ARMC8: variants seen among roughly 807,000 people sequenced by gnomAD.
ARMC8 encodes armadillo repeat containing 8.
Under a neutral mutation model 99.3 loss-of-function variants are expected in ARMC8, and 20 were observed. The observed-to-expected ratio is 0.20, with a 90% CI of 0.14 to 0.29. The LOEUF (loss-of-function observed/expected upper bound fraction) is 0.29. ARMC8 is among the 10% of genes least tolerant of loss of function. The pLI is 1.00. For synonymous variants in ARMC8, 263 were observed against 278.3 expected (o/e 0.95, Z 0.55); for missense variants, 569 against 809.5 (o/e 0.70, Z 3.60).
intron 2 of ARMC8, among the ~76,000 whole-genome samples, chr3:138,217,072 A>C (rs1416171764): frequency 2.0e-5 from 3 of 152,198 alleles, no homozygotes; most frequent in African/African-American, 7.2e-5. Context: ...ACAAGCAATA[A>C]ACTATACCAT....
At chr3:138,197,962 C>T (rs900090318) in intron 1 of ARMC8, among the ~76,000 whole-genome samples, 1 of 152,184 alleles carries the variant, frequency 6.6e-6, no homozygotes, top group African/African-American at 2.4e-5. Context: ...TACTTTCAGT[C>T]TTGTGACCAC....
chr3:138,271,928 T>C (rs1037131005), intron 16 of ARMC8, among the ~76,000 whole-genome samples: 9 of 152,178 alleles, frequency 5.9e-5, no homozygotes, highest in African/African-American at 1.7e-4. Context: ...CCTGAGTAGC[T>C]GGGATTACAG....
intron 1 of ARMC8, among the ~76,000 whole-genome samples, chr3:138,189,316 G>C (rs2043246008): frequency 6.6e-6 from 1 of 151,430 alleles, no homozygotes; most frequent in Non-Finnish European, 1.5e-5. Flanking sequence ...GATTTCCGTA[G>C]TCCCAAAGTC....
intron 16 of ARMC8, among the ~76,000 whole-genome samples, chr3:138,270,956 T>C (rs1163923035): frequency 6.6e-6 from 1 of 152,214 alleles, no homozygotes; most frequent in Non-Finnish European, 1.5e-5. Flanking sequence ...CCCTCATTCT[T>C]ATTTTAAGAT....
chr3:138,265,913 G>T (rs1287721782), intron 14 of ARMC8, among the ~76,000 whole-genome samples: 1 of 152,168 alleles, frequency 6.6e-6, no homozygotes, highest in East Asian at 1.9e-4. Context: ...GCTTAGGAAA[G>T]ACCATATGAA....
At chr3:138,228,697 A>T (rs532324554) in intron 5 of ARMC8, 4 of 528,152 alleles carry the variant, frequency 7.6e-6, no homozygotes, top group South Asian at 6.1e-5. Context: ...TCCTGTTCTC[A>T]TATTTTGCTA....
At chr3:138,228,129 G>A (rs1258267356) in intron 5 of ARMC8, among the ~76,000 whole-genome samples, 11 of 152,136 alleles carry the variant, frequency 7.2e-5, no homozygotes, top group South Asian at 2.1e-4. Context: ...ACAGGCATGC[G>A]CCATGATGGC....
chr3:138,249,552 GT>G (rs1225045813), intron 12 of ARMC8, among the ~76,000 whole-genome samples: 1 of 151,748 alleles, frequency 6.6e-6, no homozygotes, highest in East Asian at 1.9e-4. Context: ...TCTGGACCAG[GT>G]TTTCTAAGGA....
Position 138,235,066 on chromosome 3 carries a change from C to G in ARMC8, c.561C>G (p.His187Gln). The change falls in exon 7 of 22, where the codon CAC (histidine) becomes CAG (glutamine). Residue 187 changes from histidine to glutamine, a missense_variant. Coordinates refer to ENST00000469044, the MANE Select transcript of ARMC8 (RefSeq NM_001363941.2). ...GPDHQTILFN[H>Q]GAVQNIAHLL... ...ATCATCAAACAATTTTATTTAACCA[C>G]GGTGCAGTTCAGAATATTGCTCACC... 1.2e-6 allele frequency: 2 copies of G among 1,613,778 alleles called. No individual in the cohort carries two copies. Among genetic ancestry groups the G allele is most frequent in the Middle Eastern group, 3.3e-4 (2 of 6,058 alleles).
intron 5 of ARMC8, among the ~76,000 whole-genome samples, chr3:138,226,286 G>A (rs1474648854): frequency 6.6e-6 from 1 of 152,158 alleles, no homozygotes; most frequent in East Asian, 1.9e-4. Flanking sequence ...GAGCCACTGC[G>A]CCCAGCCTAA....
chr3:138,203,677 A>G (rs921868794), intron 1 of ARMC8, among the ~76,000 whole-genome samples: 10 of 152,218 alleles, frequency 6.6e-5, no homozygotes, highest in African/African-American at 2.4e-4. Context: ...ACTCAAGGTG[A>G]GGGATTGCAC....
At chr3:138,274,367 A>G (rs746670093) in intron 17 of ARMC8, 82 bp from the exon 18 acceptor site, 1 of 867,730 alleles carries the variant, frequency 1.2e-6, no homozygotes, top group Non-Finnish European at 1.9e-6. Context: ...TGTGAATCAT[A>G]TTGTTTTAAC....
In ARMC8 at chr3:138,297,210, G is replaced by C. The variant is rs2051564133; in HGVS notation, c.*1318G>C. ...AGCACTCAAGTTGAGAGAGGGGCAA[G>C]GGAATCTCCCCAGGATGACTGAAGA... On this transcript the variant is annotated 3_prime_UTR_variant, in exon 22 of 22. Transcript: ENST00000469044. 6.6e-6 allele frequency: 1 copy of C among 152,216 alleles called. No individual in the cohort carries two copies. Among genetic ancestry groups the C allele is most frequent in the South Asian group, 2.1e-4 (1 of 4,832 alleles). 9.4% of individuals were successfully genotyped at this position (152,216 alleles called of 1,614,324 possible).
At chr3:138,228,502 A>G (rs1196909079) in intron 5 of ARMC8, among the ~76,000 whole-genome samples, 1 of 152,218 alleles carries the variant, frequency 6.6e-6, no homozygotes, top group Admixed American at 6.5e-5. Flanking sequence ...CTGGTGCTTA[A>G]CATCTCGGAG....
chr3:138,267,247 T>A lies in ARMC8; in HGVS notation c.1386+6T>A. 6.5e-7 allele frequency: 1 copy of A among 1,531,232 alleles called. No homozygotes were observed. The highest frequency in any genetic ancestry group is 8.9e-7 in the Non-Finnish European group (1 of 1,127,688). 94.9% of individuals were successfully genotyped at this position (1,531,232 alleles called of 1,614,324 possible). On this transcript the variant is annotated splice_donor_region_variant and intron_variant, in intron 15 of 21. Transcript: ENST00000469044. ...AATTTTCTCCAAGCAAAGAGGTTAG[T>A]ATTGATTTTCTTTTCCTAGACTTTG...
In ARMC8 at chr3:138,248,166, G is replaced by T. The variant is rs1038976237; in HGVS notation, c.1134+2983G>T. Among the ~76,000 whole-genome samples the T allele has an allele frequency of 5.9e-5, 9 of 152,270 alleles. 1 individual carries two copies. The highest frequency in any genetic ancestry group is 4.6e-4 in the Admixed American group (7 of 15,292). On this transcript the variant is annotated intron_variant, in intron 12 of 21. Coordinates refer to ENST00000469044, the MANE Select transcript of ARMC8 (RefSeq NM_001363941.2). Reference sequence around the variant, plus strand: ...AGTGAAAAATACTACCATTGACTGTGACATGAAGAGGGAGAAGAAGCCCCA... The same window carrying T: ...AGTGAAAAATACTACCATTGACTGTTACATGAAGAGGGAGAAGAAGCCCCA...
At chr3:138,231,340 A>T (rs1247538339) in intron 6 of ARMC8, among the ~76,000 whole-genome samples, 1 of 152,076 alleles carries the variant, frequency 6.6e-6, no homozygotes, top group Non-Finnish European at 1.5e-5. Context: ...ACTCATAGGG[A>T]CTCACATTAA....
At chr3:138,277,778 T>C (rs1226566865) in intron 18 of ARMC8, among the ~76,000 whole-genome samples, 2 of 152,202 alleles carry the variant, frequency 1.3e-5, no homozygotes, top group Non-Finnish European at 2.9e-5. Flanking sequence ...GCAATGCCAT[T>C]CCTAGCCGTT....
intron 1 of ARMC8, among the ~76,000 whole-genome samples, chr3:138,206,509 G>A (rs992789422): frequency 1.3e-5 from 2 of 152,126 alleles, no homozygotes; most frequent in African/African-American, 4.8e-5. Flanking sequence ...TGAATTTGCT[G>A]TTCTTTTTGC....
Sources: gnomAD v4.1 joint callset for allele counts (sites outside exome capture counted in the v4.1 genomes callset) on GRCh38, gnomAD v4.1.1 for gene constraint, MANE v1.5 for transcripts, NCBI Gene and HGNC (gene_info 2026-07-23, HGNC 2026-07-21) for gene names.